The following ARHGEF17 variants were observed in gnomAD, a reference collection of about 807,000 sequenced individuals.
ARHGEF17 encodes the protein Rho guanine nucleotide exchange factor 17.
A neutral mutation model predicts 174.0 loss-of-function variants in ARHGEF17; 80 were observed. That is an observed-to-expected ratio of 0.46 (90% CI 0.38 to 0.55). ARHGEF17 has a LOEUF of 0.55. Ranked by LOEUF, ARHGEF17 falls within the 20% of genes least tolerant of loss-of-function variation. The pLI, the probability that ARHGEF17 is intolerant of heterozygous loss-of-function variation, is 0.00. For synonymous variants in ARHGEF17, 1,311 were observed against 1,189.1 expected (o/e 1.10, Z -2.11); for missense variants, 2,886 against 2,839.7 (o/e 1.02, Z -0.37).
At chr11:73,360,185 C>T (rs1239821751) in intron 10 of ARHGEF17, 135 bp from the exon 11 acceptor site, 6 of 1,042,590 alleles carry the variant, frequency 5.8e-6, no homozygotes, top group African/African-American at 1.6e-5. Flanking sequence ...CCCCATATAT[C>T]AAAGGAATCC....
In ARHGEF17 at chr11:73,308,614, C is replaced by T. The variant is rs1300681001; in HGVS notation, c.-25C>T. 2 of 1,422,680 alleles carry T rather than the reference C, an allele frequency of 1.4e-6. No homozygotes were observed. Among genetic ancestry groups the T allele is most frequent in the East Asian group, 3.0e-5 (1 of 33,284 alleles). 88.1% of individuals were successfully genotyped at this position (1,422,680 alleles called of 1,614,324 possible). ...GTTGGCCGCGGCTGCCCGAGGCCAG[C>T]CCCCCCGGAGTGAGTTACGCCACTA... On this transcript the variant is annotated 5_prime_UTR_variant, in exon 1 of 21. Coordinates refer to ENST00000263674, the MANE Select transcript of ARHGEF17 (RefSeq NM_014786.4).
At chr11:73,366,845 G>T (rs768804891) in intron 20 of ARHGEF17, among the ~76,000 whole-genome samples, 4 of 152,182 alleles carry the variant, frequency 2.6e-5, no homozygotes, top group Non-Finnish European at 4.4e-5. Flanking sequence ...TTCGAGACCA[G>T]CCTGGCCAAC....
intron 13 of ARHGEF17, 52 bp from the exon 14 acceptor site, chr11:73,362,381 G>A: frequency 6.8e-7 from 1 of 1,474,876 alleles, no homozygotes; most frequent in South Asian, 1.4e-5. Flanking sequence ...GTCCACCACC[G>A]GGGCCCCGTC....
In ARHGEF17 at chr11:73,357,323, C is replaced by A. The variant is rs1161785018; in HGVS notation, c.4083C>A (p.Ile1361=). ...TGCCGCTGGAAGACGCAGACATCAT[C>A]AAAGGTGGGTTTGATGCTAGGGGTT... The part of the protein sequence containing the change: ...WKLPLEDADI[I]KGASQATNRE... Residue 1361 remains isoleucine, a synonymous_variant, in exon 9 of 21, where the codon ATC becomes ATA. Transcript: ENST00000263674. The A allele has an allele frequency of 6.2e-7, 1 of 1,613,570 alleles. No individual in the cohort carries two copies. The highest frequency in any genetic ancestry group is 8.5e-7 in the Non-Finnish European group (1 of 1,179,722).
At chr11:73,340,803 C>G (rs1271925206) in intron 1 of ARHGEF17, among the ~76,000 whole-genome samples, 1 of 152,252 alleles carries the variant, frequency 6.6e-6, no homozygotes, top group Admixed American at 6.5e-5. Context: ...GATCACAGGC[C>G]TGTCCATCCT....
At chr11:73,359,161 A>G (rs1286619077) in intron 9 of ARHGEF17, among the ~76,000 whole-genome samples, 5 of 152,342 alleles carry the variant, frequency 3.3e-5, no homozygotes, top group African/African-American at 9.6e-5. Context: ...AACACATTCT[A>G]TAAACTAGAT....
intron 2 of ARHGEF17, among the ~76,000 whole-genome samples, chr11:73,349,342 C>T (rs1356205704): frequency 2.6e-5 from 4 of 152,146 alleles, no homozygotes; most frequent in Admixed American, 6.5e-5. Flanking sequence ...GAGCCAGGCG[C>T]GGAGGCTCAC....
At chr11:73,323,578 A>T (rs1822978654) in intron 1 of ARHGEF17, among the ~76,000 whole-genome samples, 1 of 152,186 alleles carries the variant, frequency 6.6e-6, no homozygotes, top group Non-Finnish European at 1.5e-5. Flanking sequence ...CTGAGCGGAA[A>T]GCCTGCTTCC....
At chr11:73,332,964 G>A (rs1305837463) in intron 1 of ARHGEF17, among the ~76,000 whole-genome samples, 1 of 152,162 alleles carries the variant, frequency 6.6e-6, no homozygotes, top group Non-Finnish European at 1.5e-5. Context: ...ACGAGGTTGT[G>A]TAATTTGCTC....
chr11:73,336,409 G>A (rs1288053228), intron 1 of ARHGEF17, among the ~76,000 whole-genome samples: 1 of 152,190 alleles, frequency 6.6e-6, no homozygotes, highest in South Asian at 2.1e-4. Context: ...GTCTAGGAGG[G>A]GGCTGGGAGC....
At position 73,363,318 on chromosome 11, in the gene ARHGEF17, C is replaced by G; in HGVS notation, c.5109C>G (p.Cys1703Trp). The stretch of plus-strand genomic sequence containing the variant: ...GCTCCTTTGGGCCTGGTGGTCCCTG[C>G]GGCACCAGCCCAATGGATGGGAGAG... ...LSGSFGPGGP[C>W]GTSPMDGRAL... The change falls in exon 15 of 21, where the codon TGC becomes TGG. Residue 1703 changes from cysteine to tryptophan, a missense_variant. Coordinates refer to ENST00000263674, the MANE Select transcript of ARHGEF17 (RefSeq NM_014786.4). 6.2e-7 allele frequency: 1 copy of G among 1,612,626 alleles called. No homozygotes were observed. Among genetic ancestry groups the G allele is most frequent in the Non-Finnish European group, 8.5e-7 (1 of 1,179,738 alleles).
chr11:73,324,957 G>T (rs1305835819), intron 1 of ARHGEF17, among the ~76,000 whole-genome samples: 2 of 152,142 alleles, frequency 1.3e-5, no homozygotes, highest in Non-Finnish European at 2.9e-5. Context: ...CCTTCTCTTG[G>T]TGCTGGAAAG....
At chr11:73,359,487 C>G (rs185616554) in intron 9 of ARHGEF17, among the ~76,000 whole-genome samples, 2 of 152,354 alleles carry the variant, frequency 1.3e-5, no homozygotes, top group Admixed American at 1.3e-4. Flanking sequence ...TCTGTCAGCA[C>G]GCCCACGGGA....
At chr11:73,355,769 G>A (rs1591756278) in intron 4 of ARHGEF17, 92 bp from the exon 5 acceptor site, 1 of 1,579,360 alleles carries the variant, frequency 6.3e-7, no homozygotes, top group South Asian at 1.1e-5. Context: ...TCCGCTCTCA[G>A]GCTGAGCTGG....
chr11:73,343,653 T>A (rs1479952506), intron 1 of ARHGEF17, among the ~76,000 whole-genome samples: 1 of 152,122 alleles, frequency 6.6e-6, no homozygotes, highest in African/African-American at 2.4e-5. Context: ...CCCACTGCCA[T>A]CCTCTCCCTG....
chr11:73,308,821 G>A lies in ARHGEF17; in HGVS notation c.183G>A (p.Leu61=). ...AGCCCTCTCGGCGCGTGTCCAAGCT[G>A]GCGTCTGGGCCCCTGGCCGCCCCCG... ...RGQPSRRVSK[L]ASGPLAAPAQ... The change falls in exon 1 of 21, where the codon CTG becomes CTA. Residue 61 remains leucine, a synonymous_variant. Transcript: ENST00000263674. 1 of 1,346,690 alleles carries A rather than the reference G, an allele frequency of 7.4e-7. No individual in the cohort carries two copies. The highest frequency in any genetic ancestry group is 9.5e-7 in the Non-Finnish European group (1 of 1,055,840). 83.4% of individuals were successfully genotyped at this position (1,346,690 alleles called of 1,614,324 possible).
intron 1 of ARHGEF17, among the ~76,000 whole-genome samples, chr11:73,317,970 C>T (rs1364422908): frequency 1.3e-5 from 2 of 152,158 alleles, no homozygotes; most frequent in Non-Finnish European, 2.9e-5. Flanking sequence ...TGCCTCACCA[C>T]CTTCCTGCTG....
At position 73,359,355 on chromosome 11, in the gene ARHGEF17, G is replaced by T. The variant is rs113761530; in HGVS notation, c.4088-479G>T. On this transcript the variant is annotated intron_variant, in intron 9 of 20. Coordinates refer to ENST00000263674, the MANE Select transcript of ARHGEF17 (RefSeq NM_014786.4). ...CGGCAGGCCGTCTGCAGGACCAGCT[G>T]CTTGGCAGTGTTCAGGTATGGGATA... Among the ~76,000 whole-genome samples the T allele has an allele frequency of 6.6e-3, 999 of 152,368 alleles. 15 individuals are homozygous for T. Among genetic ancestry groups the T allele is most frequent in the African/African-American group, 0.023 (961 of 41,582 alleles).
At chr11:73,327,402 C>T (rs565221881) in intron 1 of ARHGEF17, among the ~76,000 whole-genome samples, 45 of 152,286 alleles carry the variant, frequency 3.0e-4, no homozygotes, top group African/African-American at 1.1e-3. Context: ...AAGGAATTCC[C>T]CAGAGTTTGT....
Sources: allele counts gnomAD v4.1 joint callset (sites outside exome capture counted in the v4.1 genomes callset), GRCh38; gene constraint gnomAD v4.1.1; transcripts MANE v1.5; gene names NCBI Gene and HGNC (gene_info 2026-07-23, HGNC 2026-07-21).